Variants in EPHA8 observed in about 807,000 individuals in gnomAD.
EPHA8 encodes EPH receptor A8, also known as ephrin type-A receptor 8.
EPHA8 carries 58 observed loss-of-function variants against 103.6 expected under a neutral mutation model. That is an observed-to-expected ratio of 0.56 (90% CI 0.45 to 0.70). The LOEUF is 0.70. Among genes scored for constraint, EPHA8 ranks in the 30% least tolerant of loss-of-function variants. The pLI, the probability that EPHA8 is intolerant of heterozygous loss-of-function variation, is 0.00. For missense variants in EPHA8, 1,304 were observed against 1,395.2 expected (o/e 0.93, Z 1.04); for synonymous variants, 559 against 572.5 (o/e 0.98, Z 0.34).
chr1:22,573,827 G>T lies in EPHA8; in HGVS notation c.160-2390G>T, dbSNP rs1030123021. The stretch of plus-strand genomic sequence containing the variant: ...CCTTGCAAGAAGGTCCTGCTTCATT[G>T]CAGTGCCAGGTTGACAGGTAAACTA... On this transcript the variant is annotated intron_variant, in intron 2 of 16. Transcript: ENST00000166244. Among the ~76,000 whole-genome samples, 4 of 152,184 alleles carry T rather than the reference G, an allele frequency of 2.6e-5. No homozygotes were observed. The East Asian group carries it at 7.7e-4, about 29-fold the overall frequency.
Position 22,567,137 on chromosome 1 carries a change from A to G in EPHA8, c.95-2152A>G, listed in dbSNP as rs1020946736. On this transcript the variant is annotated intron_variant, in intron 1 of 16. Coordinates refer to ENST00000166244, the MANE Select transcript of EPHA8 (RefSeq NM_020526.5). This position sits in a 1 kb window ranked among gnomAD's most constrained non-coding sequence, Gnocchi z 4.2. ...ACGCTCCAGGGCGAGAATCCTAAGC[A>G]GTGGACATCCACTTGAGTGGCTCCG... 1.3e-5 allele frequency among the ~76,000 whole-genome samples: 2 copies of G among 152,134 alleles called. No individual in the cohort carries two copies. Among genetic ancestry groups the G allele is most frequent in the Non-Finnish European group, 2.9e-5 (2 of 67,996 alleles).
At chr1:22,587,823 A>G (rs1641259729) in intron 4 of EPHA8, among the ~76,000 whole-genome samples, 1 of 152,156 alleles carries the variant, frequency 6.6e-6, no homozygotes, top group Non-Finnish European at 1.5e-5. Context: ...ATGCTTGTGC[A>G]CATACACACA....
In EPHA8 at chr1:22,595,445, C is replaced by A. The variant is rs1641492132; in HGVS notation, c.1697+122C>A. The A allele has an allele frequency of 4.3e-6, 3 of 689,734 alleles. No individual in the cohort carries two copies. The Admixed American group carries it at 7.5e-5, about 17-fold the overall frequency. 42.7% of individuals were successfully genotyped at this position (689,734 alleles called of 1,614,324 possible). On this transcript the variant is annotated intron_variant, in intron 8 of 16. Transcript: ENST00000166244. ...TGGGGCTGGCTCACTTACAAACACA[C>A]CACCTCATTTAACCTAGTGACATGC...
rs1167065907 is a variant in EPHA8, at chr1:22,596,303, C to T, written c.1765+130C>T. The T allele has an allele frequency of 4.5e-6, 4 of 893,626 alleles. No individual in the cohort carries two copies. In the East Asian group the frequency reaches 8.0e-5, roughly 18 times the overall value. The allele number at this position is 893,626 out of a possible 1,614,324, so 55.4% of individuals were successfully genotyped here. ...AAAACCAGAGCCCAAGAGGCAGATTCCAGGGTGTCACAGAGACCTGGTGCC... is the reference window on the plus strand; with the variant it reads ...AAAACCAGAGCCCAAGAGGCAGATTTCAGGGTGTCACAGAGACCTGGTGCC... On this transcript the variant is annotated intron_variant, in intron 9 of 16. Coordinates refer to ENST00000166244, the MANE Select transcript of EPHA8 (RefSeq NM_020526.5).
intron 5 of EPHA8, among the ~76,000 whole-genome samples, chr1:22,592,866 A>G (rs1043374733): frequency 4.6e-5 from 7 of 152,050 alleles, no homozygotes; most frequent in African/African-American, 1.7e-4. Context: ...CGGGCAACCA[A>G]GTGTGACTGG....
rs192134450 is a variant in EPHA8 at position 22,572,515 on chromosome 1, G to T, written c.159+3162G>T. On this transcript the variant is annotated intron_variant, in intron 2 of 16. Coordinates refer to ENST00000166244, the MANE Select transcript of EPHA8 (RefSeq NM_020526.5). ...CTTCCCTCTGCTCCCGGGAACTTCC[G>T]CATGCTGGGACGTGCTCCGCCTGCT... Among the ~76,000 whole-genome samples, 527 of 152,320 alleles carry T rather than the reference G, an allele frequency of 3.5e-3. 5 individuals carry two copies. Among genetic ancestry groups the T allele is most frequent in the South Asian group, 0.018 (85 of 4,824 alleles).
intron 3 of EPHA8, 112 bp from the exon 4 acceptor site, chr1:22,586,368 C>T: frequency 7.6e-7 from 1 of 1,319,610 alleles, no homozygotes; most frequent in Non-Finnish European, 1.0e-6. Context: ...AGGTCTGCAC[C>T]TCCATCCCTC....
intron 3 of EPHA8, among the ~76,000 whole-genome samples, chr1:22,579,032 T>C (rs943165751): frequency 8.1e-6 from 1 of 124,146 alleles, no homozygotes; most frequent in Admixed American, 8.4e-5. Flanking sequence ...CAAGAGTATG[T>C]ATGCATGTGT....
In EPHA8 at chr1:22,601,462, C is replaced by T. The variant is rs1320263322; in HGVS notation, c.2892C>T (p.Arg964=). 5 of 1,609,736 alleles carry T rather than the reference C, an allele frequency of 3.1e-6. No homozygotes were observed. In the South Asian group the frequency reaches 4.4e-5, roughly 14 times the overall value. Residue 964 remains arginine, a synonymous_variant, in exon 16 of 17, where the codon CGC becomes CGT. Coordinates refer to ENST00000166244, the MANE Select transcript of EPHA8 (RefSeq NM_020526.5). The part of the protein sequence containing the change: ...GGYSSLGMVL[R]MNAQDVRALG... Reference sequence around the variant, plus strand: ...ACTCCTCTCTGGGCATGGTGCTACGCATGAACGCCCAGTGAGTGATGGGTG... The same window carrying T: ...ACTCCTCTCTGGGCATGGTGCTACGTATGAACGCCCAGTGAGTGATGGGTG...
rs1247911496 is a variant in EPHA8 at position 22,567,929 on chromosome 1, A to G, written c.95-1360A>G. On this transcript the variant is annotated intron_variant, in intron 1 of 16. Coordinates refer to ENST00000166244, the MANE Select transcript of EPHA8 (RefSeq NM_020526.5). This position sits in a 1 kb window ranked among gnomAD's most constrained non-coding sequence, Gnocchi z 4.2. ...GAGCCAAAAGCCCTCTCATACAGCA[A>G]TCACCAGCTAGATCAAAAGGAAGCA... is the stretch of plus-strand genomic sequence containing the variant. Among the ~76,000 whole-genome samples the G allele has an allele frequency of 6.6e-6, 1 of 152,230 alleles. No homozygotes were observed. Among genetic ancestry groups the G allele is most frequent in the Non-Finnish European group, 1.5e-5 (1 of 68,046 alleles).
chr1:22,601,488 G>T lies in EPHA8; in HGVS notation c.2903+15G>T, dbSNP rs1163879429. 6.2e-7 allele frequency: 1 copy of T among 1,609,300 alleles called. No homozygotes were observed. Among genetic ancestry groups the T allele is most frequent in the East Asian group, 2.2e-5 (1 of 44,826 alleles). ...ATGAACGCCCAGTGAGTGATGGGTG[G>T]GGCTGGGGCCCCATGCGTGTGGGGG... On this transcript the variant is annotated intron_variant, in intron 16 of 16. Coordinates refer to ENST00000166244, the MANE Select transcript of EPHA8 (RefSeq NM_020526.5).
Position 22,597,591 on chromosome 1 carries a change from C to G in EPHA8, c.1931-85C>G. ...GTGTGACCCAGGGGTCTGGCAAGCCCAGGGGGTCCAAGGGCCTGGGAGGCT... is the reference window on the plus strand; with the variant it reads ...GTGTGACCCAGGGGTCTGGCAAGCCGAGGGGGTCCAAGGGCCTGGGAGGCT... On this transcript the variant is annotated intron_variant, in intron 10 of 16. Transcript: ENST00000166244. This position sits in a 1 kb window ranked among gnomAD's most constrained non-coding sequence, Gnocchi z 4.6. 1 of 1,551,202 alleles carries G rather than the reference C, an allele frequency of 6.4e-7. No homozygotes were observed. Among genetic ancestry groups the G allele is most frequent in the Non-Finnish European group, 8.7e-7 (1 of 1,147,332 alleles).
At position 22,589,039 on chromosome 1, in the gene EPHA8, C is replaced by T; in HGVS notation, c.1148C>T (p.Thr383Ile). 6 of 1,612,634 alleles carry T rather than the reference C, an allele frequency of 3.7e-6. No homozygotes were observed. Among genetic ancestry groups the T allele is most frequent in the Non-Finnish European group, 5.1e-6 (6 of 1,179,410 alleles). The change falls in exon 5 of 17, where the codon ACC (threonine) becomes ATC (isoleucine). Residue 383 changes from threonine to isoleucine, a missense_variant. Coordinates refer to ENST00000166244, the MANE Select transcript of EPHA8 (RefSeq NM_020526.5). The surrounding 1 kb of genome is among the most constrained non-coding windows in gnomAD (Gnocchi z 4.3). ...CGCTGCGAGGCATGTGGGAGCGGCA[C>T]CCGCTTTGTGCCCCAGCAGACAAGC... is the stretch of plus-strand genomic sequence containing the variant. ...LSRCEACGSG[T>I]RFVPQQTSLV...
Position 22,597,228 on chromosome 1 carries a change from C to T in EPHA8, c.1766-84C>T. On this transcript the variant is annotated intron_variant, in intron 9 of 16. Coordinates refer to ENST00000166244, the MANE Select transcript of EPHA8 (RefSeq NM_020526.5). The surrounding 1 kb of genome is among the most constrained non-coding windows in gnomAD (Gnocchi z 4.6). ...CTCCCAGAGACACCCCTCACCCCAC[C>T]CCAGACCCATCCCAGGCCCAGGGAA... is the stretch of plus-strand genomic sequence containing the variant. 7.9e-7 allele frequency: 1 copy of T among 1,261,064 alleles called. No individual in the cohort carries two copies. Among genetic ancestry groups the T allele is most frequent in the Middle Eastern group, 2.7e-4 (1 of 3,752 alleles). The allele number at this position is 1,261,064 out of a possible 1,614,324, so 78.1% of individuals were successfully genotyped here. A position where few individuals can be genotyped will look rare whatever the true frequency, so the allele number is the denominator to read the frequency against.
Position 22,597,765 on chromosome 1 carries a change from A to C in EPHA8, c.2020A>C (p.Thr674Pro). The C allele has an allele frequency of 6.2e-7, 1 of 1,613,220 alleles. No individual in the cohort carries two copies. The change falls in exon 11 of 17, where the codon ACG becomes CCG. Residue 674 changes from threonine (T) to proline (P), a missense_variant. Transcript: ENST00000166244. This position sits in a 1 kb window ranked among gnomAD's most constrained non-coding sequence, Gnocchi z 4.6. ...CATCAAGGCCCTCAAAGCCGGCTAC[A>C]CGGAGAGACAGAGGCGGGACTTCCT... Reference protein sequence around the residue: ...VAIKALKAGYTERQRRDFLSE... With the variant: ...VAIKALKAGYPERQRRDFLSE...
chr1:22,574,814 A>C (rs1233845114), intron 2 of EPHA8, among the ~76,000 whole-genome samples: 1 of 152,190 alleles, frequency 6.6e-6, no homozygotes, highest in Non-Finnish European at 1.5e-5. Context: ...CAGAAATGGG[A>C]TTGCTAGATC....
At chr1:22,583,868 C>A (rs967518142) in intron 3 of EPHA8, among the ~76,000 whole-genome samples, 1 of 152,226 alleles carries the variant, frequency 6.6e-6, no homozygotes, top group Admixed American at 6.5e-5. Context: ...GCAGGGCCAG[C>A]CGTGGTGCTG....
chr1:22,590,561 C>T (rs543833432), intron 5 of EPHA8, among the ~76,000 whole-genome samples: 29 of 152,244 alleles, frequency 1.9e-4, no homozygotes, highest in African/African-American at 6.7e-4. Context: ...TTTTCTCTTG[C>T]TCGTGTGTCC....
Position 22,598,279 on chromosome 1 carries a change from T to C in EPHA8, c.2178+67T>C, listed in dbSNP as rs1641580016. The C allele has an allele frequency of 6.6e-7, 1 of 1,525,522 alleles. No homozygotes were observed. Among genetic ancestry groups the C allele is most frequent in the African/African-American group, 1.4e-5 (1 of 72,834 alleles). 94.5% of individuals were successfully genotyped at this position (1,525,522 alleles called of 1,614,324 possible). The stretch of plus-strand genomic sequence containing the variant: ...GAGGTCCAGTCTGGGTGCTGGGAGA[T>C]AGTGCAAAGCCCTCTAAGCCCCCTC... On this transcript the variant is annotated intron_variant, in intron 12 of 16. Transcript: ENST00000166244. The surrounding 1 kb of genome is among the most constrained non-coding windows in gnomAD (Gnocchi z 5.1).
Sources: gnomAD v4.1 joint callset for allele counts (sites outside exome capture counted in the v4.1 genomes callset) on GRCh38, gnomAD v4.1.1 for gene constraint, Gnocchi (gnomAD v3.1) non-coding constraint, MANE v1.5 for transcripts, NCBI Gene and HGNC (gene_info 2026-07-23, HGNC 2026-07-21) for gene names.